Variants in GPM6A observed in about 807,000 individuals in gnomAD.
GPM6A encodes neuronal membrane glycoprotein M6-a.
In GPM6A, 7 loss-of-function variants were observed where a neutral mutation model predicts 32.1. That is an observed-to-expected ratio of 0.22 (90% CI 0.12 to 0.41). The LOEUF (loss-of-function observed/expected upper bound fraction) is 0.41. Ranked by LOEUF, GPM6A falls within the 10% of genes least tolerant of loss-of-function variation. The pLI is 1.00. For missense variants in GPM6A, 235 were observed against 347.2 expected, an observed-to-expected ratio of 0.68 and a Z score of 2.57; for synonymous variants, 130 against 123.4, an observed-to-expected ratio of 1.05 and a Z score of -0.35.
rs1272303127 is a variant in GPM6A, at chr4:175,970,752, A to T, written c.-23+31557T>A. On this transcript the variant is annotated intron_variant, in intron 1 of 7. Transcript: ENST00000280187. The stretch of plus-strand genomic sequence containing the variant: ...TTATGTTGAAATAAAAGGTCACATT[A>T]AAAGGAAGGAATTGCAACTAAAAGA... 3.6e-5 allele frequency: 15 copies of T among 411,248 alleles called. No individual in the cohort carries two copies. In the Admixed American group the frequency reaches 4.4e-4, roughly 12 times the overall value. The allele number at this position is 411,248 out of a possible 1,614,324, so 25.5% of individuals were successfully genotyped here.
chr4:175,882,772 A>G (rs1245607233), intron 1 of GPM6A, among the ~76,000 whole-genome samples: 4 of 152,118 alleles, frequency 2.6e-5, no homozygotes, highest in Non-Finnish European at 4.4e-5. Flanking sequence ...ATATTTTGAT[A>G]AAAGGTGATA....
intron 1 of GPM6A, among the ~76,000 whole-genome samples, chr4:175,965,999 C>A (rs1334763115): frequency 2.0e-5 from 3 of 152,234 alleles, no homozygotes; most frequent in Admixed American, 2.0e-4. Context: ...AATTTGATAA[C>A]CAAAATGAAA....
chr4:175,820,867 A>T (rs75859987), intron 1 of GPM6A, among the ~76,000 whole-genome samples: 3,726 of 152,180 alleles, frequency 0.024, 71 homozygotes, highest in Non-Finnish European at 0.034. Context: ...CTTCTTCCTC[A>T]ATCTTTTAAT....
intron 1 of GPM6A, among the ~76,000 whole-genome samples, chr4:175,983,991 T>A (rs1740891592): frequency 9.5e-6 from 1 of 105,194 alleles, no homozygotes; most frequent in South Asian, 3.5e-4. Context: ...GCTCTCTCTG[T>A]CTCTCTCTCT....
At chr4:175,861,692 A>T (rs1381930642) in intron 1 of GPM6A, among the ~76,000 whole-genome samples, 1 of 146,896 alleles carries the variant, frequency 6.8e-6, no homozygotes, top group African/African-American at 2.5e-5. Context: ...CAGAGATTAC[A>T]GTGAGCCAAG....
At chr4:175,681,148 A>G (rs1301157334) in intron 2 of GPM6A, among the ~76,000 whole-genome samples, 9 of 152,194 alleles carry the variant, frequency 5.9e-5, no homozygotes. Context: ...AATTAAAGAC[A>G]TATGTAGTTT....
In GPM6A at chr4:175,838,108, CACAG is replaced by C. The variant is rs1553994304; in HGVS notation, c.-22-25863_-22-25860del. Among the ~76,000 whole-genome samples, 381 of 62,832 alleles carry C rather than the reference CACAG, an allele frequency of 6.1e-3. 4 individuals are homozygous for C. The highest frequency in any genetic ancestry group is 0.039 in the Middle Eastern group (5 of 128). The allele number at this position is 62,832 out of a possible 152,430, so 41.2% of individuals were successfully genotyped here. ...TGGTTAAAACACACACACACACACA[CACAG>C]ACACACACACACACACACACACACA... On this transcript the variant is annotated intron_variant, in intron 1 of 7. Coordinates refer to the GPM6A transcript ENST00000280187.
chr4:175,877,569 G>A (rs57756385), intron 1 of GPM6A, among the ~76,000 whole-genome samples: 86,163 of 151,914 alleles, frequency 0.57, 24,705 homozygotes, highest in East Asian at 0.69. Context: ...AGACCCTTAT[G>A]AAACCATCAA....
At chr4:175,933,858 T>C (rs970561717) in intron 1 of GPM6A, among the ~76,000 whole-genome samples, 1 of 152,130 alleles carries the variant, frequency 6.6e-6, no homozygotes, top group South Asian at 2.1e-4. Flanking sequence ...GTTTTATTCA[T>C]AGAAGTCACA....
At chr4:175,684,850 T>TTGTGTGTG (rs59885113) in intron 2 of GPM6A, among the ~76,000 whole-genome samples, 1 of 151,534 alleles carries the variant, frequency 6.6e-6, no homozygotes, top group Non-Finnish European at 1.5e-5. Context: ...TCTTAACTAT[T>TTGTGTGTG]TGTGTGTGTG....
chr4:175,733,810 G>A (rs73871209), intron 1 of GPM6A, among the ~76,000 whole-genome samples: 6,770 of 152,178 alleles, frequency 0.044, 181 homozygotes, highest in Non-Finnish European at 0.063. Flanking sequence ...CAGCATAGGC[G>A]CTTAGCCATG....
intron 1 of GPM6A, among the ~76,000 whole-genome samples, chr4:175,954,304 C>T (rs965191712): frequency 6.6e-6 from 1 of 152,208 alleles, no homozygotes; most frequent in African/African-American, 2.4e-5. Flanking sequence ...TCATCATCTC[C>T]ATGAGTTCTA....
intron 1 of GPM6A, among the ~76,000 whole-genome samples, chr4:175,772,413 A>G (rs1318095559): frequency 6.6e-6 from 1 of 152,188 alleles, no homozygotes; most frequent in Non-Finnish European, 1.5e-5. Context: ...TGCTTGCAAG[A>G]GTGTATCACT....
chr4:175,933,298 C>T (rs1317037789), intron 1 of GPM6A, among the ~76,000 whole-genome samples: 7 of 152,084 alleles, frequency 4.6e-5, no homozygotes, highest in Non-Finnish European at 7.4e-5. Flanking sequence ...GAGTGAGATA[C>T]CACTAAACAC....
At chr4:175,708,866 C>G (rs1195841448) in intron 1 of GPM6A, among the ~76,000 whole-genome samples, 1 of 152,130 alleles carries the variant, frequency 6.6e-6, no homozygotes, top group East Asian at 1.9e-4. Context: ...TAAAGTGATC[C>G]CCTTTTTCAA....
At chr4:175,780,481 CAA>C (rs1486497092) in intron 1 of GPM6A, among the ~76,000 whole-genome samples, 1 of 152,182 alleles carries the variant, frequency 6.6e-6, no homozygotes, top group Non-Finnish European at 1.5e-5. Flanking sequence ...AGTAGACACT[CAA>C]TAAATATCTG....
chr4:175,763,619 G>C (rs1396055469), intron 1 of GPM6A, among the ~76,000 whole-genome samples: 3 of 152,058 alleles, frequency 2.0e-5, no homozygotes, highest in Admixed American at 6.6e-5. Flanking sequence ...AATAACCCCA[G>C]ATTATTTAAT....
chr4:175,768,411 T>C (rs1222214925), intron 1 of GPM6A, among the ~76,000 whole-genome samples: 1 of 152,170 alleles, frequency 6.6e-6, no homozygotes, highest in African/African-American at 2.4e-5. Context: ...GAAGATGTCT[T>C]GGATGCCATT....
chr4:175,695,051 T>C lies in GPM6A; in HGVS notation c.230+6524A>G, dbSNP rs543970300. Among the ~76,000 whole-genome samples, 85 of 152,248 alleles carry C rather than the reference T, an allele frequency of 5.6e-4. No homozygotes were observed. The East Asian group carries it at 8.7e-3, about 16-fold the overall frequency. On this transcript the variant is annotated intron_variant, in intron 2 of 6. Coordinates refer to ENST00000393658, the MANE Select transcript of GPM6A (RefSeq NM_201591.3). ...TAAGCCTTGGCAGCTTTCCTTGTAGTGTTAAGCCTGCAGGGGAGCAGAGGG... is the reference window on the plus strand; with the variant it reads ...TAAGCCTTGGCAGCTTTCCTTGTAGCGTTAAGCCTGCAGGGGAGCAGAGGG...
Sources: allele counts gnomAD v4.1 joint callset (sites outside exome capture counted in the v4.1 genomes callset), GRCh38; gene constraint gnomAD v4.1.1; transcripts MANE v1.5; gene names NCBI Gene and HGNC (gene_info 2026-07-23, HGNC 2026-07-21).